The following ZFAND6 variants were observed in gnomAD, a reference collection of about 807,000 sequenced individuals.
The protein encoded by ZFAND6 is zinc finger AN1-type containing 6.
A neutral mutation model predicts 24.5 loss-of-function variants in ZFAND6; 12 were observed. The ratio of observed to expected loss-of-function variants is 0.49; its 90% CI spans 0.31 to 0.79. The LOEUF (loss-of-function observed/expected upper bound fraction) is 0.79. Ranked by LOEUF, ZFAND6 falls within the 30% of genes least tolerant of loss-of-function variation. The pLI is 0.04. For synonymous variants in ZFAND6, 92 were observed against 81.5 expected (o/e 1.13, Z -0.69); for missense variants, 207 against 245.9 (o/e 0.84, Z 1.06).
intron 1 of ZFAND6, among the ~76,000 whole-genome samples, chr15:80,081,500 A>G (rs12593266): frequency 0.022 from 3,344 of 148,746 alleles, 229 homozygotes; most frequent in East Asian, 0.22. Context: ...CGTATTGTCA[A>G]ATAACATATT....
intron 1 of ZFAND6, among the ~76,000 whole-genome samples, chr15:80,089,272 T>G (rs1214817053): frequency 7.1e-6 from 1 of 139,984 alleles, no homozygotes; most frequent in East Asian, 2.0e-4. Flanking sequence ...TTTTTTTTTT[T>G]TTTTTTTTTT....
chr15:80,078,260 G>A (rs1011452899), intron 1 of ZFAND6, among the ~76,000 whole-genome samples: 54 of 152,070 alleles, frequency 3.6e-4, no homozygotes, highest in African/African-American at 1.2e-3. Flanking sequence ...TCATCTTTAT[G>A]TCCTTGTGTA....
chr15:80,063,774 C>T (rs2036463952), intron 1 of ZFAND6, among the ~76,000 whole-genome samples: 1 of 152,160 alleles, frequency 6.6e-6, no homozygotes, highest in South Asian at 2.1e-4. Context: ...TGGTCTCAAA[C>T]TCCTGACCTC....
At chr15:80,090,904 C>T (rs1000043693) in intron 1 of ZFAND6, among the ~76,000 whole-genome samples, 2 of 151,956 alleles carry the variant, frequency 1.3e-5, no homozygotes, top group Non-Finnish European at 1.5e-5. Flanking sequence ...TTTTTGACAC[C>T]CTTAAAATAC....
chr15:80,068,906 C>T (rs1199549363), intron 1 of ZFAND6, among the ~76,000 whole-genome samples: 4 of 152,202 alleles, frequency 2.6e-5, no homozygotes, highest in African/African-American at 7.2e-5. Flanking sequence ...GTATCTTCAG[C>T]GCATAACAGA....
chr15:80,086,689 A>G (rs945734540), intron 1 of ZFAND6, among the ~76,000 whole-genome samples: 5 of 152,106 alleles, frequency 3.3e-5, no homozygotes, highest in Non-Finnish European at 7.3e-5. Flanking sequence ...TTACCATTTA[A>G]ACTGTTTTTA....
chr15:80,121,749 T>C lies in ZFAND6; in HGVS notation c.192T>C (p.Val64=). The C allele has an allele frequency of 6.2e-7, 1 of 1,613,882 alleles. No homozygotes were observed. Residue 64 remains valine, a synonymous_variant, in exon 4 of 7, where the codon GTT becomes GTC. Transcript: ENST00000261749. Reference sequence around the variant, plus strand: ...GTAGTCTGTCTGAATCTTTACCAGTTCAATGCACAGATGGCAGTGTGCCAG... The same window carrying C: ...GTAGTCTGTCTGAATCTTTACCAGTCCAATGCACAGATGGCAGTGTGCCAG... ...SVSSLSESLP[V]QCTDGSVPEA...
chr15:80,132,095 C>T (rs1416723124), intron 6 of ZFAND6, among the ~76,000 whole-genome samples: 1 of 152,178 alleles, frequency 6.6e-6, no homozygotes, highest in African/African-American at 2.4e-5. Context: ...TTGTGTACTG[C>T]AGTCCAACAG....
chr15:80,127,589 C>CAAAAAAAA (rs55872915), intron 5 of ZFAND6, among the ~76,000 whole-genome samples: 1 of 120,074 alleles, frequency 8.3e-6, no homozygotes. Flanking sequence ...AACTCCATCT[C>CAAAAAAAA]AAAAAAAAAA....
chr15:80,093,186 C>T (rs1452354426), intron 1 of ZFAND6, among the ~76,000 whole-genome samples: 8 of 151,484 alleles, frequency 5.3e-5, no homozygotes, highest in Non-Finnish European at 5.9e-5. Context: ...AGGCTGGTTT[C>T]GAACTCCTGA....
intron 1 of ZFAND6, among the ~76,000 whole-genome samples, chr15:80,074,076 A>G (rs2037130317): frequency 6.6e-6 from 1 of 151,936 alleles, no homozygotes; most frequent in Non-Finnish European, 1.5e-5. Flanking sequence ...ATATGCTTCA[A>G]AGTTTTTCTG....
chr15:80,107,919 C>T (rs544904132), intron 2 of ZFAND6, among the ~76,000 whole-genome samples: 1 of 152,120 alleles, frequency 6.6e-6, no homozygotes, highest in East Asian at 1.9e-4. Context: ...TCAAGAATCC[C>T]CAGGAGTCCA....
intron 2 of ZFAND6, among the ~76,000 whole-genome samples, chr15:80,117,791 A>G (rs376193329): frequency 3.6e-4 from 55 of 152,294 alleles, no homozygotes; most frequent in Admixed American, 1.0e-3. Context: ...GACTACTAGT[A>G]CAGTTGGGTG....
chr15:80,101,060 C>T lies in ZFAND6; in HGVS notation c.-18+2482C>T, dbSNP rs535413430. Among the ~76,000 whole-genome samples, 14 of 152,248 alleles carry T rather than the reference C, an allele frequency of 9.2e-5. No homozygotes were observed. The South Asian group carries it at 2.5e-3, about 27-fold the overall frequency. The stretch of plus-strand genomic sequence containing the variant: ...AATACTAGGTAGCATATTATAAATG[C>T]TCAAAATAATAGATTTTAAGGCTTT... On this transcript the variant is annotated intron_variant, in intron 2 of 6. Coordinates refer to ENST00000261749, the MANE Select transcript of ZFAND6 (RefSeq NM_019006.4).
At chr15:80,102,461 G>A (rs913323484) in intron 2 of ZFAND6, among the ~76,000 whole-genome samples, 3 of 152,200 alleles carry the variant, frequency 2.0e-5, no homozygotes, top group Non-Finnish European at 4.4e-5. Context: ...GTCAAGCAGT[G>A]TTGCAAGTAT....
chr15:80,092,179 T>C (rs2038416705), intron 1 of ZFAND6, among the ~76,000 whole-genome samples: 2 of 151,896 alleles, frequency 1.3e-5, no homozygotes, highest in African/African-American at 4.8e-5. Flanking sequence ...ATTTGGTTTG[T>C]TGGTGGTTGG....
chr15:80,112,756 C>A (rs12594035), intron 2 of ZFAND6: 1 of 455,800 alleles, frequency 2.2e-6, no homozygotes, highest in Non-Finnish European at 4.4e-6. Flanking sequence ...CCTCATGTCT[C>A]TTTATTACCC....
At chr15:80,107,851 AGGGGAGAAGAT>A (rs369334159) in intron 2 of ZFAND6, among the ~76,000 whole-genome samples, 1 of 42,616 alleles carries the variant, frequency 2.3e-5, no homozygotes, top group African/African-American at 8.8e-5. Context: ...AGGGGAAGGG[AGGGGAGAAGAT>A]GGGGTTGGGA....
At chr15:80,078,424 T>G (rs1041819910) in intron 1 of ZFAND6, among the ~76,000 whole-genome samples, 11 of 152,250 alleles carry the variant, frequency 7.2e-5, no homozygotes, top group African/African-American at 2.2e-4. Context: ...TCCCATAATG[T>G]ATATGTACCA....
Sources: gnomAD v4.1 joint callset for allele counts (sites outside exome capture counted in the v4.1 genomes callset) on GRCh38, gnomAD v4.1.1 for gene constraint, MANE v1.5 for transcripts, NCBI Gene and HGNC (gene_info 2026-07-23, HGNC 2026-07-21) for gene names.